The following NUMB variants were observed in gnomAD, a reference collection of about 807,000 sequenced individuals.
NUMB encodes protein numb homolog.
Under a neutral mutation model 59.7 loss-of-function variants are expected in NUMB, and 29 were observed. The ratio of observed to expected loss-of-function variants is 0.49; its 90% CI spans 0.36 to 0.66. The LOEUF (loss-of-function observed/expected upper bound fraction) is 0.66, where lower values mean the gene tolerates loss of function less well. Ranked by LOEUF, NUMB falls within the 30% of genes least tolerant of loss-of-function variation. The pLI is 0.00. For missense variants in NUMB, 723 were observed against 822.0 expected, an observed-to-expected ratio of 0.88 and a Z score of 1.47; for synonymous variants, 288 against 288.2, an observed-to-expected ratio of 1.00 and a Z score of 0.01.
intron 2 of NUMB, among the ~76,000 whole-genome samples, chr14:73,373,986 A>C (rs1229785254): frequency 2.6e-5 from 4 of 151,954 alleles, no homozygotes; most frequent in African/African-American, 9.7e-5. Context: ...CTCCAGCCTC[A>C]GCTTCCCTAG....
chr14:73,431,734 GC>G lies in NUMB; in HGVS notation c.-232-21667del, dbSNP rs544814175. Among the ~76,000 whole-genome samples the G allele has an allele frequency of 1.2e-3, 183 of 151,980 alleles. 6 individuals carry two copies. Among genetic ancestry groups the G allele is most frequent in the Admixed American group, 0.011 (170 of 15,262 alleles). ...ACTGCACTCCAGCCTGAGCAACAGA[GC>G]AAGACTCCGTCTCAAAAAAAGAAAA... is the stretch of plus-strand genomic sequence containing the variant. On this transcript the variant is annotated intron_variant, in intron 1 of 12. Transcript: ENST00000555238.
At chr14:73,326,331 A>T (rs1891658748) in intron 4 of NUMB, among the ~76,000 whole-genome samples, 1 of 152,058 alleles carries the variant, frequency 6.6e-6, no homozygotes, top group Non-Finnish European at 1.5e-5. Flanking sequence ...AGAGGCTTTG[A>T]AAACTAAACT....
intron 1 of NUMB, among the ~76,000 whole-genome samples, chr14:73,451,434 TAA>T (rs71872203): frequency 3.8e-4 from 42 of 111,436 alleles, no homozygotes; most frequent in African/African-American, 8.3e-4. Context: ...AGACACCGTC[TAA>T]AAAAAAAAAA....
At chr14:73,360,208 G>A (rs1458067526) in intron 3 of NUMB, among the ~76,000 whole-genome samples, 63 of 152,214 alleles carry the variant, frequency 4.1e-4, no homozygotes, top group Non-Finnish European at 1.5e-4. Flanking sequence ...TCAAGAAGTG[G>A]TGCTTACAAT....
chr14:73,398,732 A>G (rs960438806), intron 2 of NUMB, among the ~76,000 whole-genome samples: 3 of 152,170 alleles, frequency 2.0e-5, no homozygotes, highest in Non-Finnish European at 4.4e-5. Flanking sequence ...ACAGATGGAT[A>G]AGACCAAATA....
intron 2 of NUMB, among the ~76,000 whole-genome samples, chr14:73,400,967 G>C (rs986578532): frequency 6.6e-6 from 1 of 152,150 alleles, no homozygotes; most frequent in African/African-American, 2.4e-5. Flanking sequence ...CAAATTAATT[G>C]AACCAAAAGA....
intron 7 of NUMB, among the ~76,000 whole-genome samples, chr14:73,293,996 T>C (rs1339086867): frequency 6.6e-6 from 1 of 152,218 alleles, no homozygotes; most frequent in East Asian, 1.9e-4. Context: ...GTTAGGTCTT[T>C]ATTGATTGTT....
intron 1 of NUMB, among the ~76,000 whole-genome samples, chr14:73,423,704 G>A (rs937545402): frequency 6.6e-6 from 1 of 152,096 alleles, no homozygotes; most frequent in Non-Finnish European, 1.5e-5. Flanking sequence ...AAGCTACTTG[G>A]GAGGCTAAGG....
intron 2 of NUMB, among the ~76,000 whole-genome samples, chr14:73,393,373 T>A (rs1895952380): frequency 6.6e-6 from 1 of 152,194 alleles, no homozygotes; most frequent in Non-Finnish European, 1.5e-5. Context: ...TTCAGAGCAG[T>A]AACTCTGACA....
intron 4 of NUMB, among the ~76,000 whole-genome samples, chr14:73,352,513 TATATATATA>T (rs1893429062): frequency 4.2e-5 from 1 of 23,946 alleles, no homozygotes; most frequent in East Asian, 2.5e-3. Flanking sequence ...TATATATATA[TATATATATA>T]TATATATGTT....
intron 2 of NUMB, among the ~76,000 whole-genome samples, chr14:73,396,141 G>C (rs1426866638): frequency 6.6e-6 from 1 of 152,028 alleles, no homozygotes; most frequent in Non-Finnish European, 1.5e-5. Flanking sequence ...GGGGTGCAGT[G>C]GCACGACCAT....
chr14:73,365,203 C>T (rs1894284750), intron 3 of NUMB, among the ~76,000 whole-genome samples: 2 of 152,012 alleles, frequency 1.3e-5, no homozygotes, highest in African/African-American at 4.8e-5. Context: ...CTATACACAG[C>T]TAATTTTTGT....
intron 5 of NUMB, among the ~76,000 whole-genome samples, chr14:73,321,240 A>G (rs1891385639): frequency 6.6e-6 from 1 of 152,182 alleles, no homozygotes; most frequent in South Asian, 2.1e-4. Flanking sequence ...CACAGTGGCC[A>G]TTTCACCATA....
intron 2 of NUMB, among the ~76,000 whole-genome samples, chr14:73,386,040 C>T (rs1266146936): frequency 6.6e-6 from 1 of 152,060 alleles, no homozygotes; most frequent in Non-Finnish European, 1.5e-5. Context: ...CATGAAAGTC[C>T]TAGGAACCTC....
At chr14:73,437,743 G>GGA (rs1898118432) in intron 1 of NUMB, among the ~76,000 whole-genome samples, 1 of 152,256 alleles carries the variant, frequency 6.6e-6, no homozygotes, top group Admixed American at 6.5e-5. Context: ...AAGTAGCTAG[G>GGA]GAGAGGGAGG....
At position 73,447,104 on chromosome 14, in the gene NUMB, T is replaced by C. The variant is rs547725582; in HGVS notation, c.-233+11389A>G. ...GGGGAGGCCGAGGCAAGGGAATCGC[T>C]TGAACCCGGGAGGCGGAGGTTGCAG... On this transcript the variant is annotated intron_variant, in intron 1 of 12. Coordinates refer to ENST00000555238, the MANE Select transcript of NUMB (RefSeq NM_001005743.2). Among the ~76,000 whole-genome samples, 10 of 151,466 alleles carry C rather than the reference T, an allele frequency of 6.6e-5. No individual in the cohort carries two copies. In the South Asian group the frequency reaches 1.0e-3, roughly 16 times the overall value.
At chr14:73,356,494 T>C (rs962577429) in intron 3 of NUMB, among the ~76,000 whole-genome samples, 3 of 152,058 alleles carry the variant, frequency 2.0e-5, no homozygotes, top group Non-Finnish European at 2.9e-5. Context: ...ACTACAAAAA[T>C]TAGCCAGGTG....
At position 73,284,280 on chromosome 14, in the gene NUMB, C is replaced by G. The variant is rs750112509; in HGVS notation, c.750G>C (p.Thr250=). ...GAGGATTGTTCATCTCCAGAGAGGT[C>G]GTGGCATCAGAAGTAGGAGAGGTGG... The part of the protein sequence containing the change: ...SSPTSPTSDA[T]TSLEMNNPHA... The change falls in exon 10 of 13, where the codon ACG becomes ACC. Residue 250 remains threonine (T), a synonymous_variant. Coordinates refer to ENST00000555238, the MANE Select transcript of NUMB (RefSeq NM_001005743.2). 1 of 1,614,040 alleles carries G rather than the reference C, an allele frequency of 6.2e-7. No homozygotes were observed. Among genetic ancestry groups the G allele is most frequent in the South Asian group, 1.1e-5 (1 of 91,056 alleles).
intron 4 of NUMB, among the ~76,000 whole-genome samples, chr14:73,328,270 A>T (rs1891769639): frequency 8.8e-6 from 1 of 114,260 alleles, no homozygotes; most frequent in Non-Finnish European, 1.8e-5. Flanking sequence ...GCAAGACTCC[A>T]TCTCAAAAAA....
Sources: gnomAD v4.1 joint callset for allele counts (sites outside exome capture counted in the v4.1 genomes callset) on GRCh38, gnomAD v4.1.1 for gene constraint, MANE v1.5 for transcripts, NCBI Gene and HGNC (gene_info 2026-07-23, HGNC 2026-07-21) for gene names.